ZNF577: variants seen among roughly 807,000 people sequenced by gnomAD.
ZNF577 encodes zinc finger protein 577.
Under a neutral mutation model 13.9 loss-of-function variants are expected in ZNF577, and 14 were observed. The ratio of observed to expected loss-of-function variants is 1.00; its 90% CI spans 0.66 to 1.57. The LOEUF is 1.57. Among genes scored for constraint, ZNF577 ranks in the 40% most tolerant of loss-of-function variants. The pLI, the probability that ZNF577 is intolerant of heterozygous loss-of-function variation, is 0.00. For missense variants in ZNF577, 555 were observed against 579.2 expected, an observed-to-expected ratio of 0.96 and a Z score of 0.43; for synonymous variants, 203 against 202.9, an observed-to-expected ratio of 1.00 and a Z score of 0.00.
rs1010627607 is a variant in ZNF577 at position 51,824,360 on chromosome 19, C to T, written c.*600-12686G>A. 6.2e-7 allele frequency: 1 copy of T among 1,614,144 alleles called. No homozygotes were observed. The highest frequency in any genetic ancestry group is 1.3e-5 in the African/African-American group (1 of 75,052). On this transcript the variant is annotated intron_variant and NMD_transcript_variant, in intron 9 of 10. Coordinates refer to the ZNF577 transcript ENST00000638827. The surrounding 1 kb of genome is among the most constrained non-coding windows in gnomAD (Gnocchi z 4.7). The stretch of plus-strand genomic sequence containing the variant: ...CCATGGCCAAGGTCTTTCTGATCCT[C>T]CACTTCATTATTGGCTTCAGCGTGC...
At chr19:51,814,089 T>C (rs2084116836) in intron 9 of ZNF577, among the ~76,000 whole-genome samples, 1 of 152,222 alleles carries the variant, frequency 6.6e-6, no homozygotes, top group African/African-American at 2.4e-5. Context: ...AAATTCCTTC[T>C]TGGTTTATGT....
chr19:51,877,829 T>A (rs2084790726), intron 4 of ZNF577: 1 of 157,952 alleles, frequency 6.3e-6, no homozygotes, highest in Non-Finnish European at 1.4e-5. Context: ...AGCAACATGA[T>A]TCACAAGCGC....
At chr19:51,805,001 G>C (rs1487939091) in exon 11 of ZNF577, 1 of 152,210 alleles carries the variant, frequency 6.6e-6, no homozygotes, top group African/African-American at 2.4e-5. Flanking sequence ...ACTTCAAAGA[G>C]CTTGGCGTCA....
At chr19:51,859,763 G>GA (rs1049993248) in intron 5 of ZNF577, among the ~76,000 whole-genome samples, 1 of 151,868 alleles carries the variant, frequency 6.6e-6, no homozygotes, top group Non-Finnish European at 1.5e-5. Flanking sequence ...TGATTCATAA[G>GA]AAAAAAACAT....
intron 3 of ZNF577, 102 bp downstream of exon 3, chr19:51,880,221 C>T: frequency 8.3e-7 from 1 of 1,205,590 alleles, no homozygotes; most frequent in Non-Finnish European, 1.2e-6. Context: ...TAGAAAACAT[C>T]CCATGCCTTT....
intron 5 of ZNF577, chr19:51,860,961 T>C (rs2084492006): frequency 2.3e-6 from 1 of 431,288 alleles, no homozygotes; most frequent in African/African-American, 2.1e-5. Flanking sequence ...TGTAGGGTCC[T>C]TCTCCTGAAT....
At chr19:51,864,235 T>G (rs556430580), downstream of ZNF577, among the ~76,000 whole-genome samples, 6 of 152,324 alleles carry the variant, frequency 3.9e-5, no homozygotes, top group South Asian at 1.2e-3. Flanking sequence ...ATCCTCCAAC[T>G]AAGATTTACC....
chr19:51,851,639 CCTT>C (rs1208564913), intron 5 of ZNF577, among the ~76,000 whole-genome samples: 1 of 152,116 alleles, frequency 6.6e-6, no homozygotes, highest in Non-Finnish European at 1.5e-5. Flanking sequence ...TCCCCAGACA[CCTT>C]ATTTCACACA....
At chr19:51,832,275 A>G (rs17761960) in intron 9 of ZNF577, among the ~76,000 whole-genome samples, 64,397 of 152,092 alleles carry the variant, frequency 0.42, 13,798 homozygotes, top group South Asian at 0.58. Flanking sequence ...ATTAAAAGAT[A>G]CAGAGCAATG....
Position 51,877,305 on chromosome 19 carries a change from G to C in ZNF577, c.260C>G (p.Ala87Gly). 3.1e-6 allele frequency: 5 copies of C among 1,614,048 alleles called. No individual in the cohort carries two copies. Among genetic ancestry groups the C allele is most frequent in the Non-Finnish European group, 4.2e-6 (5 of 1,179,954 alleles). ...ACCTGGACAGATTTGACTGTGGGCT[G>C]CTCCTTCTGCTATCCCTGGGGGTTC... ...QGEPPGIAEG[A>G]AHSQICPGFV... The change falls in exon 5 of 6, where the codon GCA (alanine) becomes GGA (glycine). Residue 87 changes from alanine (A) to glycine (G), a missense_variant. Transcript: ENST00000638348.
At chr19:51,863,267 A>G (rs569250316), downstream of ZNF577, 6 of 152,342 alleles carry the variant, frequency 3.9e-5, no homozygotes, top group African/African-American at 1.4e-4. Flanking sequence ...AGAATTGGTT[A>G]TAATTAGCAA....
At chr19:51,873,748 T>C (rs1192156739) in intron 5 of ZNF577, 42 bp from the exon 6 acceptor site, 7 of 1,448,334 alleles carry the variant, frequency 4.8e-6, no homozygotes, top group South Asian at 3.9e-5. Context: ...GCCAAACTTA[T>C]TGTGTCTTTA....
rs1436949629 is a variant in ZNF577 at position 51,869,203 on chromosome 19, C to T, written c.*3329G>A. Among the ~76,000 whole-genome samples the T allele has an allele frequency of 6.6e-6, 1 of 152,158 alleles. No homozygotes were observed. Among genetic ancestry groups the T allele is most frequent in the Non-Finnish European group, 1.5e-5 (1 of 68,020 alleles). On this transcript the variant is annotated 3_prime_UTR_variant, in exon 6 of 6. Coordinates refer to ENST00000638348, the MANE Select transcript of ZNF577 (RefSeq NM_001370449.1). ...GTTGAGATAAGAGGAAGGCATCTGT[C>T]TCTTGCTCGTCCCTGGGAATGGAAT...
At chr19:51,811,120 G>A (rs1202143862) in intron 10 of ZNF577, among the ~76,000 whole-genome samples, 1 of 152,148 alleles carries the variant, frequency 6.6e-6, no homozygotes, top group Non-Finnish European at 1.5e-5. Context: ...GAATAATAAG[G>A]AGATAATGGC....
In ZNF577 at chr19:51,823,677, T is replaced by C. The variant is rs1255395369; in HGVS notation, c.*600-12003A>G. The C allele has an allele frequency of 8.7e-6, 11 of 1,267,692 alleles. No homozygotes were observed. In the African/African-American group the frequency reaches 1.5e-4, roughly 17 times the overall value. The allele number at this position is 1,267,692 out of a possible 1,614,324, so 78.5% of individuals were successfully genotyped here. The stretch of plus-strand genomic sequence containing the variant: ...GAGGAGGAGCTACAGTGGAAGTTAA[T>C]GAATAGTTGTATTGTAAGATGGTGT... On this transcript the variant is annotated intron_variant and NMD_transcript_variant, in intron 9 of 10. Transcript: ENST00000638827.
At chr19:51,809,235 TG>T (rs1349208580) in intron 10 of ZNF577, among the ~76,000 whole-genome samples, 2 of 152,246 alleles carry the variant, frequency 1.3e-5, no homozygotes, top group African/African-American at 4.8e-5. Flanking sequence ...AGTACATGAC[TG>T]TCCATCTGGA....
rs202145691 is a variant in ZNF577, at chr19:51,824,470, G to A, written c.*600-12796C>T. ...ATGATTAAATCCAGCCGTCCCTTAC[G>A]TGTCTTCGCTGCTGTGGTGGCTTCT... On this transcript the variant is annotated intron_variant and NMD_transcript_variant, in intron 9 of 10. Transcript: ENST00000638827. This position sits in a 1 kb window ranked among gnomAD's most constrained non-coding sequence, Gnocchi z 4.7. 1.2e-5 allele frequency: 19 copies of A among 1,614,032 alleles called. No individual in the cohort carries two copies. Among genetic ancestry groups the A allele is most frequent in the Middle Eastern group, 1.7e-4 (1 of 6,058 alleles).
At chr19:51,830,919 A>G (rs1455509428) in intron 9 of ZNF577, among the ~76,000 whole-genome samples, 3 of 152,150 alleles carry the variant, frequency 2.0e-5, no homozygotes, top group Non-Finnish European at 2.9e-5. Flanking sequence ...TCAGGACTCC[A>G]GACTGGTATC....
intron 9 of ZNF577, among the ~76,000 whole-genome samples, chr19:51,829,891 G>A (rs966115971): frequency 6.6e-6 from 1 of 152,082 alleles, no homozygotes; most frequent in African/African-American, 2.4e-5. Flanking sequence ...AGGTCAAGTG[G>A]GGCACCTTCA....
Sources: allele counts gnomAD v4.1 joint callset (sites outside exome capture counted in the v4.1 genomes callset), GRCh38; gene constraint gnomAD v4.1.1; non-coding constraint Gnocchi (gnomAD v3.1); transcripts MANE v1.5; gene names NCBI Gene and HGNC (gene_info 2026-07-23, HGNC 2026-07-21).